The following LRFN2 variants were observed in gnomAD, a reference collection of about 807,000 sequenced individuals.
LRFN2 encodes leucine rich repeat and fibronectin type III domain containing 2, also known as leucine-rich repeat and fibronectin type-III domain-containing protein 2.
Under a neutral mutation model 37.3 loss-of-function variants are expected in LRFN2, and 18 were observed. The observed-to-expected ratio is 0.48, with a 90% CI of 0.33 to 0.72. LRFN2 has a LOEUF of 0.72. LRFN2 is among the 30% of genes least tolerant of loss of function. The pLI, the probability that LRFN2 is intolerant of heterozygous loss-of-function variation, is 0.02. For missense variants in LRFN2, 1,006 were observed against 1,060.7 expected, an observed-to-expected ratio of 0.95 and a Z score of 0.72; for synonymous variants, 556 against 466.6, an observed-to-expected ratio of 1.19 and a Z score of -2.47.
In LRFN2 at chr6:40,392,229, C is replaced by A; in HGVS notation, c.2084G>T (p.Arg695Leu). 2 of 1,569,912 alleles carry A rather than the reference C, an allele frequency of 1.3e-6. No homozygotes were observed. The highest frequency in any genetic ancestry group is 1.7e-4 in the Middle Eastern group (1 of 5,864). The stretch of plus-strand genomic sequence containing the variant: ...CGCAGGGGGCCCCAGCAGTGGCTCT[C>A]GGTCCGAGTGGTGGCCCCGGGCCGA... ...GTSARGHHSD[R>L]EPLLGPPAAR... The change falls in exon 3 of 3, where the codon CGA becomes CTA. Residue 695 changes from arginine to leucine, a missense_variant. Transcript: ENST00000338305. The surrounding 1 kb of genome is among the most constrained non-coding windows in gnomAD (Gnocchi z 4.7).
chr6:40,436,683 T>C (rs567428288), intron 1 of LRFN2, among the ~76,000 whole-genome samples: 15 of 152,188 alleles, frequency 9.9e-5, no homozygotes, highest in Non-Finnish European at 1.6e-4. Context: ...CAGGTGTTGA[T>C]ACATGGAAGC....
chr6:40,521,002 G>A (rs1381118031), intron 1 of LRFN2, among the ~76,000 whole-genome samples: 1 of 152,210 alleles, frequency 6.6e-6, no homozygotes, highest in African/African-American at 2.4e-5. Flanking sequence ...CCACTAGAGA[G>A]ACAGTGAAGA....
intron 1 of LRFN2, among the ~76,000 whole-genome samples, chr6:40,573,021 G>A (rs1002466722): frequency 1.3e-5 from 2 of 152,210 alleles, no homozygotes; most frequent in Non-Finnish European, 2.9e-5. Flanking sequence ...AACTTCATAT[G>A]AATTTGAACA....
At chr6:40,579,685 C>T (rs919377200) in intron 1 of LRFN2, among the ~76,000 whole-genome samples, 1 of 151,996 alleles carries the variant, frequency 6.6e-6, no homozygotes, top group Non-Finnish European at 1.5e-5. Flanking sequence ...GAACTTGGAA[C>T]CGCCACCCCC....
At chr6:40,525,732 C>T (rs1169959277) in intron 1 of LRFN2, among the ~76,000 whole-genome samples, 1 of 152,112 alleles carries the variant, frequency 6.6e-6, no homozygotes, top group East Asian at 1.9e-4. Context: ...TGACCCATCT[C>T]ACCTCCTCCA....
intron 2 of LRFN2, 130 bp from the exon 3 acceptor site, chr6:40,393,042 C>T (rs3734554): frequency 0.29 from 181,595 of 617,006 alleles, 39,667 homozygotes; most frequent in Non-Finnish European, 0.31. Context: ...AAGACAGACA[C>T]GGGGACACAG....
chr6:40,542,333 A>C (rs1474063309), intron 1 of LRFN2, among the ~76,000 whole-genome samples: 1 of 151,978 alleles, frequency 6.6e-6, no homozygotes, highest in Non-Finnish European at 1.5e-5. Context: ...CGGTGGCAGC[A>C]GGGGGTCATT....
At chr6:40,412,746 T>A (rs1028822616) in intron 2 of LRFN2, among the ~76,000 whole-genome samples, 1 of 152,210 alleles carries the variant, frequency 6.6e-6, no homozygotes, top group Non-Finnish European at 1.5e-5. Context: ...CCCCCACTGA[T>A]ACAAGTCCCT....
At chr6:40,538,321 T>G (rs1015593120) in intron 1 of LRFN2, among the ~76,000 whole-genome samples, 2 of 152,082 alleles carry the variant, frequency 1.3e-5, no homozygotes, top group Non-Finnish European at 2.9e-5. Flanking sequence ...CCTCCAGCTG[T>G]GTAGCAGCCC....
intron 1 of LRFN2, among the ~76,000 whole-genome samples, chr6:40,471,592 A>G (rs1364835676): frequency 6.6e-6 from 1 of 151,822 alleles, no homozygotes; most frequent in Non-Finnish European, 1.5e-5. Context: ...CACTGCAGCC[A>G]CCCCCAACTC....
chr6:40,415,210 T>TTTTTGTTTTG (rs5875718), intron 2 of LRFN2, among the ~76,000 whole-genome samples: 5,260 of 150,132 alleles, frequency 0.035, 115 homozygotes, highest in African/African-American at 0.046. Context: ...CTTTTACTTG[T>TTTTTGTTTTG]TTTTGTTTTG....
At chr6:40,577,505 C>T (rs1767310021) in intron 1 of LRFN2, among the ~76,000 whole-genome samples, 1 of 151,142 alleles carries the variant, frequency 6.6e-6, no homozygotes, top group South Asian at 2.1e-4. Context: ...CATACGTATA[C>T]ATGTGCCATG....
At chr6:40,398,503 A>T (rs926418384) in intron 2 of LRFN2, among the ~76,000 whole-genome samples, 7 of 151,720 alleles carry the variant, frequency 4.6e-5, no homozygotes, top group African/African-American at 1.4e-4. Flanking sequence ...GGCAAGGCGG[A>T]GGAGGGGAGA....
intron 1 of LRFN2, chr6:40,517,317 G>C (rs1465657981): frequency 6.6e-6 from 1 of 152,178 alleles, no homozygotes; most frequent in Non-Finnish European, 1.5e-5. Context: ...ATGAGTATGG[G>C]GGATGAAGGT....
intron 1 of LRFN2, among the ~76,000 whole-genome samples, chr6:40,434,269 G>A (rs1467341820): frequency 6.6e-6 from 1 of 151,446 alleles, no homozygotes; most frequent in Non-Finnish European, 1.5e-5. Context: ...GAAAGGAAGA[G>A]AAATCTGACT....
At chr6:40,551,387 C>G (rs180688588) in intron 1 of LRFN2, among the ~76,000 whole-genome samples, 147 of 152,294 alleles carry the variant, frequency 9.7e-4, no homozygotes, top group African/African-American at 3.2e-3. Context: ...ACACAGAAGA[C>G]AGAATATAGA....
intron 2 of LRFN2, among the ~76,000 whole-genome samples, chr6:40,399,709 A>C (rs1010564951): frequency 2.6e-5 from 4 of 151,762 alleles, no homozygotes; most frequent in African/African-American, 7.2e-5. Context: ...AAGTGCTGGG[A>C]TTACAGGCGT....
In LRFN2 at chr6:40,392,425, C is replaced by T. The variant is rs1190406902; in HGVS notation, c.1888G>A (p.Gly630Arg). The part of the protein sequence containing the change: ...DSSSSSSLGS[G>R]EAAGLGRAPW... ...GCCCGTCCCAGCCCCGCAGCCTCCC[C>T]ACTGCCCAGGGAGCTGGAGGAAGAG... The change falls in exon 3 of 3, where the codon GGG becomes AGG. Residue 630 changes from glycine (G) to arginine (R), a missense_variant. Gly to Arg is a moderately radical substitution (Grantham distance 125). Around this residue, in one of 4 missense-constraint regions of LRFN2, gnomAD observed 398 missense variants for 327.6 expected, o/e 1.21. Coordinates refer to ENST00000338305, the MANE Select transcript of LRFN2 (RefSeq NM_020737.3). The surrounding 1 kb of genome is among the most constrained non-coding windows in gnomAD (Gnocchi z 4.7). The T allele has an allele frequency of 1.3e-6, 2 of 1,567,922 alleles. No individual in the cohort carries two copies. The highest frequency in any genetic ancestry group is 1.9e-5 in the Admixed American group (1 of 53,258).
At chr6:40,427,912 T>A (rs1005492143) in intron 2 of LRFN2, among the ~76,000 whole-genome samples, 3 of 152,232 alleles carry the variant, frequency 2.0e-5, no homozygotes, top group African/African-American at 7.2e-5. Context: ...GGCACTGTGA[T>A]GCAGGCCTGT....
Sources: allele counts gnomAD v4.1 joint callset (sites outside exome capture counted in the v4.1 genomes callset), GRCh38; gene constraint gnomAD v4.1.1; regional missense constraint gnomAD v4.1.1; non-coding constraint Gnocchi (gnomAD v3.1); transcripts MANE v1.5; gene names NCBI Gene and HGNC (gene_info 2026-07-23, HGNC 2026-07-21).